SNTG1: variants seen among roughly 807,000 people sequenced by gnomAD.
SNTG1 encodes syntrophin gamma 1.
SNTG1 carries 39 observed loss-of-function variants against 74.7 expected under a neutral mutation model. The ratio of observed to expected loss-of-function variants is 0.52; its 90% CI spans 0.40 to 0.68. The LOEUF (loss-of-function observed/expected upper bound fraction) is 0.68. Ranked by LOEUF, SNTG1 falls within the 30% of genes least tolerant of loss-of-function variation. The probability of loss-of-function intolerance (pLI) is 0.00; values close to 1 mark genes in which losing one functional copy is unlikely to be tolerated. For synonymous variants in SNTG1, 254 were observed against 217.1 expected (o/e 1.17, Z -1.49); for missense variants, 685 against 609.5 (o/e 1.12, Z -1.30).
intron 13 of SNTG1, among the ~76,000 whole-genome samples, chr8:50,647,058 C>T (rs903931093): frequency 1.3e-5 from 2 of 152,052 alleles, no homozygotes; most frequent in Non-Finnish European, 2.9e-5. Flanking sequence ...CTTCTACAAA[C>T]ATTAACTCAA....
At chr8:50,727,612 G>T (rs2095503294) in intron 17 of SNTG1, among the ~76,000 whole-genome samples, 1 of 152,170 alleles carries the variant, frequency 6.6e-6, no homozygotes, top group Non-Finnish European at 1.5e-5. Flanking sequence ...TTAGTGAGAT[G>T]ATAAATAGCC....
chr8:50,663,098 G>A (rs967968318), intron 15 of SNTG1, among the ~76,000 whole-genome samples: 1 of 152,094 alleles, frequency 6.6e-6, no homozygotes, highest in African/African-American at 2.4e-5. Flanking sequence ...GGCAGGGGTT[G>A]GAGTCCAGCC....
At chr8:50,444,620 C>G (rs2093388708) in intron 5 of SNTG1, among the ~76,000 whole-genome samples, 1 of 151,946 alleles carries the variant, frequency 6.6e-6, no homozygotes, top group East Asian at 1.9e-4. Flanking sequence ...CGTGGTGGCA[C>G]ACACCTGTAG....
intron 2 of SNTG1, among the ~76,000 whole-genome samples, chr8:50,213,701 G>A (rs1369479879): frequency 6.6e-6 from 1 of 151,702 alleles, no homozygotes; most frequent in Non-Finnish European, 1.5e-5. Flanking sequence ...ATTTTTTCAT[G>A]TGTTTTTTGG....
chr8:50,349,948 A>T (rs1356274445), intron 2 of SNTG1, among the ~76,000 whole-genome samples: 1 of 151,938 alleles, frequency 6.6e-6, no homozygotes, highest in Non-Finnish European at 1.5e-5. Flanking sequence ...CCAGGGCTGC[A>T]CCGCGTGCTT....
At chr8:50,349,158 A>G (rs554782674) in intron 2 of SNTG1, among the ~76,000 whole-genome samples, 2 of 152,340 alleles carry the variant, frequency 1.3e-5, no homozygotes, top group Non-Finnish European at 2.9e-5. Flanking sequence ...TAGGTTTCAT[A>G]TGTGAAAAGT....
intron 2 of SNTG1, among the ~76,000 whole-genome samples, chr8:50,186,427 T>C (rs1305099454): frequency 3.3e-5 from 5 of 152,108 alleles, no homozygotes; most frequent in Non-Finnish European, 5.9e-5. Flanking sequence ...TTAATTCAAA[T>C]CAATCAAAGT....
chr8:50,011,185 C>T (rs1199578960), intron 1 of SNTG1, among the ~76,000 whole-genome samples: 1 of 152,046 alleles, frequency 6.6e-6, no homozygotes, highest in Non-Finnish European at 1.5e-5. Context: ...TTTTAAAGAA[C>T]TAGAACATGA....
At chr8:50,049,190 A>G (rs1819355650) in intron 1 of SNTG1, among the ~76,000 whole-genome samples, 1 of 152,060 alleles carries the variant, frequency 6.6e-6, no homozygotes, top group Admixed American at 6.6e-5. Context: ...CTTTAATTTA[A>G]AATGTTCTAA....
intron 2 of SNTG1, among the ~76,000 whole-genome samples, chr8:50,252,570 G>C (rs1275932390): frequency 6.6e-6 from 1 of 152,174 alleles, no homozygotes; most frequent in African/African-American, 2.4e-5. Flanking sequence ...AAAGCAGAAT[G>C]CCAGCATCTG....
chr8:49,973,579 T>G (rs1811920563), intron 1 of SNTG1, among the ~76,000 whole-genome samples: 1 of 151,734 alleles, frequency 6.6e-6, no homozygotes, highest in Admixed American at 6.6e-5. Context: ...CTGCTTCACT[T>G]TGGTGAGTCT....
intron 12 of SNTG1, among the ~76,000 whole-genome samples, chr8:50,583,606 A>T (rs566340844): frequency 4.4e-4 from 67 of 151,966 alleles, no homozygotes; most frequent in African/African-American, 1.5e-3. Flanking sequence ...GTCAAATCAA[A>T]TGTTTCTTAT....
intron 10 of SNTG1, among the ~76,000 whole-genome samples, chr8:50,532,928 G>C (rs879723669): frequency 6.6e-6 from 1 of 152,152 alleles, no homozygotes; most frequent in Non-Finnish European, 1.5e-5. Flanking sequence ...AGCCAATTTT[G>C]AGTAGGTATT....
chr8:50,310,491 C>T (rs2090066740), intron 2 of SNTG1, among the ~76,000 whole-genome samples: 1 of 152,084 alleles, frequency 6.6e-6, no homozygotes, highest in Non-Finnish European at 1.5e-5. Context: ...AAGTTCAAGA[C>T]CAGTCTGACC....
upstream of SNTG1, among the ~76,000 whole-genome samples, chr8:49,910,661 G>C (rs570507452): frequency 2.5e-4 from 38 of 152,282 alleles, no homozygotes; most frequent in Middle Eastern, 3.4e-3. Flanking sequence ...TGCCAAGAGC[G>C]GGAGTGAAGA....
intron 2 of SNTG1, among the ~76,000 whole-genome samples, chr8:50,215,108 T>A (rs1402946890): frequency 6.6e-6 from 1 of 152,036 alleles, no homozygotes; most frequent in Admixed American, 6.6e-5. Context: ...TGTGCACCAG[T>A]CCCGGAAGAT....
chr8:50,154,679 G>T lies in SNTG1; in HGVS notation c.-102-17882G>T, dbSNP rs1192692695. 4.6e-5 allele frequency among the ~76,000 whole-genome samples: 7 copies of T among 152,288 alleles called. No individual in the cohort carries two copies. The East Asian group carries it at 1.4e-3, about 30-fold the overall frequency. ...TTAAACCTAGTCTAACCATGGGGAA[G>T]CATTGAACTAACCAAAATTGCAACC... On this transcript the variant is annotated intron_variant, in intron 1 of 18. Coordinates refer to ENST00000642720, the MANE Select transcript of SNTG1 (RefSeq NM_018967.5).
chr8:50,090,051 G>A lies in SNTG1; in HGVS notation c.-102-82510G>A, dbSNP rs77837120. Among the ~76,000 whole-genome samples, 909 of 152,304 alleles carry A rather than the reference G, an allele frequency of 6.0e-3. 4 individuals carry two copies. The highest frequency in any genetic ancestry group is 0.016 in the African/African-American group (684 of 41,574). ...CCAGGGCTAGGGCCGTAAGAGTGTC[G>A]TCTTCAAGTAACACATAGAAATTAA... On this transcript the variant is annotated intron_variant, in intron 1 of 18. Transcript: ENST00000642720.
At chr8:50,510,234 T>C (rs187563330) in intron 9 of SNTG1, among the ~76,000 whole-genome samples, 98 of 152,336 alleles carry the variant, frequency 6.4e-4, no homozygotes, top group Admixed American at 1.4e-3. Flanking sequence ...TTTGCATATG[T>C]TGAGCCAGCC....
Sources: gnomAD v4.1 joint callset for allele counts (sites outside exome capture counted in the v4.1 genomes callset) on GRCh38, gnomAD v4.1.1 for gene constraint, MANE v1.5 for transcripts, NCBI Gene and HGNC (gene_info 2026-07-23, HGNC 2026-07-21) for gene names.